The following NAV2 variants were observed in gnomAD, a reference collection of about 807,000 sequenced individuals.
The protein encoded by NAV2 is neuron navigator 2, also known as helicase, APC down-regulated 1.
Under a neutral mutation model 223.2 loss-of-function variants are expected in NAV2, and 54 were observed. That is an observed-to-expected ratio of 0.24 (90% CI 0.19 to 0.30). The LOEUF (loss-of-function observed/expected upper bound fraction) is 0.30, where lower values mean the gene tolerates loss of function less well. NAV2 is among the 10% of genes least tolerant of loss of function. NAV2 has a pLI of 1.00. For synonymous variants in NAV2, 1,279 were observed against 1,239.3 expected (o/e 1.03, Z -0.67); for missense variants, 2,806 against 3,147.5 (o/e 0.89, Z 2.60).
chr11:19,903,373 T>C (rs1035193985), intron 6 of NAV2, among the ~76,000 whole-genome samples: 1 of 152,180 alleles, frequency 6.6e-6, no homozygotes, highest in Non-Finnish European at 1.5e-5. Context: ...TCCTAGGAGC[T>C]CCTGCCATGA....
intron 19 of NAV2, 65 bp downstream of exon 19, chr11:20,056,022 A>C: frequency 6.8e-7 from 1 of 1,472,682 alleles, no homozygotes; most frequent in Non-Finnish European, 9.2e-7. Flanking sequence ...CAGTGTAGTT[A>C]AGGGTCCTCT....
chr11:19,863,808 A>G (rs1237094192), intron 3 of NAV2, among the ~76,000 whole-genome samples: 1 of 152,200 alleles, frequency 6.6e-6, no homozygotes, highest in African/African-American at 2.4e-5. Context: ...TAGGTTCTAC[A>G]AGGTTGGGGA....
chr11:19,445,160 CA>C (rs1352382709), intron 1 of NAV2, among the ~76,000 whole-genome samples: 1 of 152,160 alleles, frequency 6.6e-6, no homozygotes, highest in African/African-American at 2.4e-5. Context: ...ACATGGTGCA[CA>C]GGTGCAAAAC....
At chr11:19,786,995 C>T (rs868280137) in intron 1 of NAV2, among the ~76,000 whole-genome samples, 1 of 152,054 alleles carries the variant, frequency 6.6e-6, no homozygotes, top group Non-Finnish European at 1.5e-5. Context: ...CCTGCCTGGA[C>T]AGCATAACAA....
intron 6 of NAV2, among the ~76,000 whole-genome samples, chr11:19,898,574 A>G (rs1451431835): frequency 1.3e-5 from 2 of 152,188 alleles, no homozygotes; most frequent in African/African-American, 2.4e-5. Flanking sequence ...GATTTACCAC[A>G]ATATCGTTTA....
intron 1 of NAV2, among the ~76,000 whole-genome samples, chr11:19,694,911 G>C (rs1379425966): frequency 6.6e-6 from 1 of 152,180 alleles, no homozygotes; most frequent in East Asian, 1.9e-4. Flanking sequence ...TTCCTCCACT[G>C]TCCCCGGAGC....
At chr11:19,929,887 C>T (rs1048680512) in intron 6 of NAV2, among the ~76,000 whole-genome samples, 11 of 152,172 alleles carry the variant, frequency 7.2e-5, no homozygotes, top group Non-Finnish European at 1.3e-4. Context: ...AGAAGCACCA[C>T]GTGGTAACAC....
chr11:19,583,512 G>C lies in NAV2; in HGVS notation c.75+232485G>C, dbSNP rs1294611436. Reference sequence around the variant, plus strand: ...CCATTCAGTGTGATATTGGCTGTGGGTTTGTCATAGATAGCTCTTATTATT... The same window carrying C: ...CCATTCAGTGTGATATTGGCTGTGGCTTTGTCATAGATAGCTCTTATTATT... On this transcript the variant is annotated intron_variant, in intron 1 of 37. Coordinates refer to the NAV2 transcript ENST00000360655. 2.0e-5 allele frequency among the ~76,000 whole-genome samples: 3 copies of C among 152,270 alleles called. No individual in the cohort carries two copies. In the East Asian group the frequency reaches 5.8e-4, roughly 29 times the overall value.
intron 1 of NAV2, among the ~76,000 whole-genome samples, chr11:19,644,131 G>T (rs1165542488): frequency 6.6e-6 from 1 of 152,218 alleles, no homozygotes; most frequent in Non-Finnish European, 1.5e-5. Flanking sequence ...CCCTGGAGGG[G>T]GATGGGGTAT....
intron 1 of NAV2, among the ~76,000 whole-genome samples, chr11:19,555,955 C>T (rs2044873488): frequency 1.3e-5 from 2 of 152,082 alleles, no homozygotes; most frequent in African/African-American, 4.8e-5. Flanking sequence ...GGGTCACAGC[C>T]TGTGCACCTG....
chr11:19,385,899 C>T (rs1042854671), intron 1 of NAV2, among the ~76,000 whole-genome samples: 4 of 151,942 alleles, frequency 2.6e-5, no homozygotes, highest in Non-Finnish European at 5.9e-5. Flanking sequence ...GTAGCTGGGA[C>T]TACAGGCGCC....
At chr11:19,530,752 G>T (rs1387335567) in intron 1 of NAV2, among the ~76,000 whole-genome samples, 1 of 152,220 alleles carries the variant, frequency 6.6e-6, no homozygotes, top group African/African-American at 2.4e-5. Context: ...ATGTGTCATG[G>T]ACTGTGCAGG....
At chr11:19,443,962 G>T (rs1198205021) in intron 1 of NAV2, among the ~76,000 whole-genome samples, 1 of 152,068 alleles carries the variant, frequency 6.6e-6, no homozygotes, top group Admixed American at 6.6e-5. Context: ...ACGGAGTCTT[G>T]TTCTGTTGCC....
chr11:19,639,900 A>G (rs944101918), intron 1 of NAV2, among the ~76,000 whole-genome samples: 5 of 152,200 alleles, frequency 3.3e-5, no homozygotes, highest in Admixed American at 2.0e-4. Context: ...ATTCAGTTCT[A>G]TCTAAGGCCT....
chr11:19,766,531 C>T (rs944228685), intron 1 of NAV2, among the ~76,000 whole-genome samples: 8 of 152,170 alleles, frequency 5.3e-5, no homozygotes, highest in Non-Finnish European at 7.4e-5. Context: ...AGAAGAGTGC[C>T]GAGATAAACT....
chr11:20,067,796 CT>C (rs1486302060), intron 20 of NAV2, among the ~76,000 whole-genome samples: 1 of 151,830 alleles, frequency 6.6e-6, no homozygotes, highest in African/African-American at 2.4e-5. Flanking sequence ...AGTCCTAGAC[CT>C]TTTTGTTTTT....
intron 1 of NAV2, among the ~76,000 whole-genome samples, chr11:19,357,911 G>T (rs1188708456): frequency 6.6e-6 from 1 of 152,100 alleles, no homozygotes; most frequent in Non-Finnish European, 1.5e-5. Flanking sequence ...ATTTTTACTT[G>T]AAATTTTTTA....
chr11:19,811,961 T>A (rs1236952029), intron 1 of NAV2, among the ~76,000 whole-genome samples: 2 of 152,168 alleles, frequency 1.3e-5, no homozygotes, highest in Admixed American at 1.3e-4. Context: ...GGTCTTCCTA[T>A]GGCTTAGTGG....
intron 23 of NAV2, 95 bp from the exon 24 acceptor site, chr11:20,077,898 A>G (rs1023107371): frequency 6.2e-6 from 6 of 968,646 alleles, no homozygotes; most frequent in Non-Finnish European, 8.0e-6. Flanking sequence ...GAGCTACTTC[A>G]TTCCCGCTCC....
Sources: allele counts gnomAD v4.1 joint callset (sites outside exome capture counted in the v4.1 genomes callset), GRCh38; gene constraint gnomAD v4.1.1; transcripts MANE v1.5; gene names NCBI Gene and HGNC (gene_info 2026-07-23, HGNC 2026-07-21).